Variants in SEC14L4 observed in about 807,000 individuals in gnomAD.
SEC14L4 encodes the protein SEC14-like protein 4.
SEC14L4 carries 42 observed loss-of-function variants against 55.1 expected under a neutral mutation model. The observed-to-expected ratio is 0.76, with a 90% CI of 0.60 to 0.99. SEC14L4 has a LOEUF of 0.99. Ranked by LOEUF, SEC14L4 falls within the 50% of genes least tolerant of loss-of-function variation. The probability of loss-of-function intolerance (pLI) is 0.00; values close to 1 mark genes in which losing one functional copy is unlikely to be tolerated. For synonymous variants in SEC14L4, 206 were observed against 206.8 expected (o/e 1.00, Z 0.03); for missense variants, 445 against 512.1 (o/e 0.87, Z 1.27).
intron 6 of SEC14L4, 52 bp from the exon 7 acceptor site, chr22:30,494,262 C>T: frequency 6.8e-7 from 1 of 1,461,262 alleles, no homozygotes; most frequent in Non-Finnish European, 9.6e-7. Flanking sequence ...ACCTCCCGCC[C>T]ATGGGTTTCT....
chr22:30,497,210 G>C (rs900383075), intron 2 of SEC14L4, among the ~76,000 whole-genome samples: 1 of 152,080 alleles, frequency 6.6e-6, no homozygotes. Flanking sequence ...ATGGCGGCAG[G>C]TGCCTGTAAT....
rs141056649 is a variant in SEC14L4, at chr22:30,495,316, T to A, written c.361A>T (p.Ile121Phe). Residue 121 changes from isoleucine to phenylalanine, a missense_variant, in exon 5 of 12, where the codon ATC (isoleucine) becomes TTC (phenylalanine). Physicochemically the swap from Ile to Phe is conservative, Grantham distance 21. Coordinates refer to ENST00000255858, the MANE Select transcript of SEC14L4 (RefSeq NM_174977.4). ...LLLSASKQDM[I>F]RKRIKVCELL... ...TCACAGACTTTGATGCGCTTCCGGA[T>A]CATATCCTGCTTGGAGGCTGACAGC... 2 of 1,613,896 alleles carry A rather than the reference T, an allele frequency of 1.2e-6. No homozygotes were observed. The highest frequency in any genetic ancestry group is 1.3e-5 in the African/African-American group (1 of 75,000).
chr22:30,489,994 T>C lies in SEC14L4; in HGVS notation c.*113A>G. On this transcript the variant is annotated 3_prime_UTR_variant, in exon 12 of 12. Transcript: ENST00000255858. ...CCTACAATGAGATGAAATGGTGACG[T>C]GGGACAAGTGGCTCTCTGCAGCCAC... is the stretch of plus-strand genomic sequence containing the variant. The C allele has an allele frequency of 6.4e-7, 1 of 1,560,468 alleles. No homozygotes were observed. Among genetic ancestry groups the C allele is most frequent in the Non-Finnish European group, 8.7e-7 (1 of 1,151,298 alleles).
At position 30,492,125 on chromosome 22, in the gene SEC14L4, A is replaced by G. The variant is rs1450240397; in HGVS notation, c.695T>C (p.Ile232Thr). The part of the protein sequence containing the change: ...DNWKQELTKF[I>T]SPDQLPVEFG... ...CTCCACAGGCAGCTGGTCGGGGCTG[A>G]TGAATTTTGTCAGCTCCTGCTTCCA... The change falls in exon 9 of 12, where the codon ATC (isoleucine) becomes ACC (threonine). Residue 232 changes from isoleucine to threonine, a missense_variant. Coordinates refer to ENST00000255858, the MANE Select transcript of SEC14L4 (RefSeq NM_174977.4). 19 of 1,613,620 alleles carry G rather than the reference A, an allele frequency of 1.2e-5. No individual in the cohort carries two copies. Among genetic ancestry groups the G allele is most frequent in the Non-Finnish European group, 1.6e-5 (19 of 1,179,766 alleles).
At chr22:30,505,122 A>G (rs1156990978) in intron 1 of SEC14L4, among the ~76,000 whole-genome samples, 2 of 139,968 alleles carry the variant, frequency 1.4e-5, no homozygotes, top group East Asian at 4.1e-4. Context: ...ACAGAGCAAG[A>G]CTCCATCTCA....
At chr22:30,495,830 CAGG>C (rs751923833) in intron 3 of SEC14L4, 95 bp downstream of exon 3, 2 of 1,590,798 alleles carry the variant, frequency 1.3e-6, no homozygotes, top group Admixed American at 1.7e-5. Flanking sequence ...AAAGAAGAAA[CAGG>C]AGAATGGGAC....
chr22:30,501,874 T>C (rs946307404), intron 2 of SEC14L4, among the ~76,000 whole-genome samples: 9 of 130,246 alleles, frequency 6.9e-5, no homozygotes, highest in East Asian at 4.8e-4. Flanking sequence ...TATATATATA[T>C]ACATACACAT....
chr22:30,492,314 C>T lies in SEC14L4; in HGVS notation c.665-159G>A, dbSNP rs759396991. The T allele has an allele frequency of 3.5e-5, 40 of 1,155,296 alleles. No homozygotes were observed. In the East Asian group the frequency reaches 4.3e-4, roughly 13 times the overall value. The allele number at this position is 1,155,296 out of a possible 1,614,324, so 71.6% of individuals were successfully genotyped here. ...AGACCTTTATGTGGCTCCCAGCCCACGGTCTAGGACCCAAGGCATTGCCCG... is the reference window on the plus strand; with the variant it reads ...AGACCTTTATGTGGCTCCCAGCCCATGGTCTAGGACCCAAGGCATTGCCCG... On this transcript the variant is annotated intron_variant, in intron 8 of 11. Coordinates refer to ENST00000255858, the MANE Select transcript of SEC14L4 (RefSeq NM_174977.4).
intron 2 of SEC14L4, among the ~76,000 whole-genome samples, chr22:30,498,980 G>A (rs1006330733): frequency 2.6e-5 from 4 of 151,572 alleles, no homozygotes; most frequent in Non-Finnish European, 5.9e-5. Flanking sequence ...TCGCTCTGTC[G>A]CCCAGGCTGG....
At chr22:30,500,651 C>T (rs1358581221) in intron 2 of SEC14L4, among the ~76,000 whole-genome samples, 1 of 151,400 alleles carries the variant, frequency 6.6e-6, no homozygotes, top group African/African-American at 2.4e-5. Flanking sequence ...CAGGAGTGAG[C>T]CACTGTGCCC....
chr22:30,494,055 G>T, intron 7 of SEC14L4, 95 bp downstream of exon 7: 1 of 902,882 alleles, frequency 1.1e-6, no homozygotes, highest in Non-Finnish European at 1.8e-6. Context: ...CTTCACAAAG[G>T]ATGGGTGAAG....
rs1488943243 is a variant in SEC14L4, at chr22:30,489,852, C to T, written c.*255G>A. 6.4e-7 allele frequency: 1 copy of T among 1,551,380 alleles called. No individual in the cohort carries two copies. Among genetic ancestry groups the T allele is most frequent in the East Asian group, 2.4e-5 (1 of 40,920 alleles). On this transcript the variant is annotated 3_prime_UTR_variant, in exon 12 of 12. Transcript: ENST00000255858. ...CATCCTCAGTGGACTGGATCATCTT[C>T]AGCGTTCTCATTCTCAGCCGCATTC... is the stretch of plus-strand genomic sequence containing the variant.
intron 8 of SEC14L4, 101 bp downstream of exon 8, chr22:30,492,373 G>A: frequency 1.6e-6 from 2 of 1,225,788 alleles, no homozygotes; most frequent in Non-Finnish European, 2.4e-6. Context: ...CAGGCCAGGG[G>A]TAGTGCCCGA....
chr22:30,491,566 C>T lies in SEC14L4; in HGVS notation c.1081+7G>A, dbSNP rs755431698. ...AAAACAATTCCAGTAAACCCCGCAG[C>T]TCTTACAGACGCCAGCCTGGAGGCA... On this transcript the variant is annotated splice_region_variant and intron_variant, in intron 11 of 11. Coordinates refer to ENST00000255858, the MANE Select transcript of SEC14L4 (RefSeq NM_174977.4). 1 of 1,614,090 alleles carries T rather than the reference C, an allele frequency of 6.2e-7. No homozygotes were observed. Among genetic ancestry groups the T allele is most frequent in the Non-Finnish European group, 8.5e-7 (1 of 1,179,990 alleles).
chr22:30,493,086 AAAAAAAAAAAAAAAAG>A (rs1415022280), intron 7 of SEC14L4, among the ~76,000 whole-genome samples: 1 of 80,236 alleles, frequency 1.2e-5, no homozygotes, highest in African/African-American at 5.5e-5. Context: ...TCCATCTCAA[AAAAAAAAAAAAAAAAG>A]AAAAGAAAAA....
intron 2 of SEC14L4, among the ~76,000 whole-genome samples, chr22:30,497,990 A>T (rs1372108107): frequency 6.6e-6 from 1 of 152,116 alleles, no homozygotes; most frequent in Non-Finnish European, 1.5e-5. Flanking sequence ...AGGTGATCAA[A>T]CTGAACAGGG....
rs1935977803 is a variant in SEC14L4 at position 30,492,037 on chromosome 22, G to T, written c.771+12C>A. ...TTCTCCCCTCCTTCCCCATCCTCTGGGCACCCTGTACCTTGGTCAGGCACT... is the reference window on the plus strand; with the variant it reads ...TTCTCCCCTCCTTCCCCATCCTCTGTGCACCCTGTACCTTGGTCAGGCACT... On this transcript the variant is annotated intron_variant, in intron 9 of 11. Coordinates refer to ENST00000255858, the MANE Select transcript of SEC14L4 (RefSeq NM_174977.4). 1 of 1,613,486 alleles carries T rather than the reference G, an allele frequency of 6.2e-7. No individual in the cohort carries two copies. Among genetic ancestry groups the T allele is most frequent in the Admixed American group, 1.7e-5 (1 of 59,948 alleles).
intron 1 of SEC14L4, 59 bp downstream of exon 1, chr22:30,505,499 G>A (rs1936460146): frequency 6.7e-7 from 1 of 1,496,210 alleles, no homozygotes; most frequent in Non-Finnish European, 9.1e-7. Context: ...AGCCGGGTTG[G>A]GCAGTGCCAG....
At chr22:30,490,628 C>T (rs906250384) in intron 11 of SEC14L4, among the ~76,000 whole-genome samples, 18 of 152,322 alleles carry the variant, frequency 1.2e-4, no homozygotes, top group East Asian at 9.7e-4. Flanking sequence ...CGCCTAGTTG[C>T]GGTTGCACAG....
Sources: gnomAD v4.1 joint callset for allele counts (sites outside exome capture counted in the v4.1 genomes callset) on GRCh38, gnomAD v4.1.1 for gene constraint, MANE v1.5 for transcripts, NCBI Gene and HGNC (gene_info 2026-07-23, HGNC 2026-07-21) for gene names.